Variants in RPS6KA6 observed in about 807,000 individuals in gnomAD.
RPS6KA6 encodes ribosomal protein S6 kinase alpha-6.
In RPS6KA6, 27 loss-of-function variants were observed where a neutral mutation model predicts 65.4. That is an observed-to-expected ratio of 0.41 (90% confidence interval 0.30 to 0.57). The LOEUF is 0.57. RPS6KA6 is among the 20% of genes least tolerant of loss of function. The pLI, the probability that RPS6KA6 is intolerant of heterozygous loss-of-function variation, is 0.24. For missense variants in RPS6KA6, 486 were observed against 555.6 expected (o/e 0.87, Z 1.26); for synonymous variants, 190 against 184.2 (o/e 1.03, Z -0.26).
At chrX:84,107,490 G>A (rs1391886721) in intron 13 of RPS6KA6, 133 bp downstream of exon 13, 5 of 400,279 alleles carry the variant, frequency 1.2e-5, no homozygotes, top group Non-Finnish European at 2.2e-5. Context: ...TTTTGTATAG[G>A]ATCCATATTT....
intron 12 of RPS6KA6, among the ~76,000 whole-genome samples, chrX:84,113,842 TC>T (rs1209250611): frequency 9.0e-6 from 1 of 111,286 alleles, no homozygotes; most frequent in East Asian, 2.8e-4. Context: ...TCAAAGTACC[TC>T]TATTGATTGA....
At chrX:84,128,331 T>A (rs1179735720) in intron 8 of RPS6KA6, among the ~76,000 whole-genome samples, 1 of 111,287 alleles carries the variant, frequency 9.0e-6, no homozygotes, top group Non-Finnish European at 1.9e-5. Context: ...AGGAATGTAC[T>A]AAAATGAGGC....
At chrX:84,080,687 C>A (rs2033775828) in intron 20 of RPS6KA6, among the ~76,000 whole-genome samples, 1 of 107,960 alleles carries the variant, frequency 9.3e-6, no homozygotes, top group Admixed American at 1.0e-4. Context: ...CTTCTCACCA[C>A]CACATCACAC....
intron 20 of RPS6KA6, among the ~76,000 whole-genome samples, chrX:84,066,513 G>C (rs2033408107): frequency 9.0e-6 from 1 of 110,893 alleles, no homozygotes; most frequent in African/African-American, 3.3e-5. Context: ...TTTGGACTGG[G>C]CAGAATTTAC....
At chrX:84,156,559 G>A (rs1376426104) in intron 2 of RPS6KA6, among the ~76,000 whole-genome samples, 1 of 111,041 alleles carries the variant, frequency 9.0e-6, no homozygotes, top group Non-Finnish European at 1.9e-5. Flanking sequence ...AAATTGTGGG[G>A]CATGACCAAA....
chrX:84,131,572 G>T (rs1254226566), intron 8 of RPS6KA6, among the ~76,000 whole-genome samples: 1 of 111,541 alleles, frequency 9.0e-6, no homozygotes, highest in Non-Finnish European at 1.9e-5. Flanking sequence ...GAGAAGGGGG[G>T]AGAGAAGAAT....
At chrX:84,125,165 A>G (rs928039042) in intron 8 of RPS6KA6, among the ~76,000 whole-genome samples, 2 of 112,139 alleles carry the variant, frequency 1.8e-5, no homozygotes, top group Admixed American at 9.5e-5. Context: ...GAGTTCTTCA[A>G]TCTGAAAGAA....
Position 84,134,777 on chromosome X carries a change from C to A in RPS6KA6, c.646+5G>T. 1 of 1,109,574 alleles carries A rather than the reference C, an allele frequency of 9.0e-7. No individual in the cohort carries two copies. Among genetic ancestry groups the A allele is most frequent in the Non-Finnish European group, 1.2e-6 (1 of 824,527 alleles). The allele number at this position is 1,109,574 out of a possible 1,213,427, so 91.4% of individuals were successfully genotyped here. On this transcript the variant is annotated splice_donor_5th_base_variant and intron_variant, in intron 8 of 21. Coordinates refer to ENST00000262752, the MANE Select transcript of RPS6KA6 (RefSeq NM_014496.5). Reference sequence around the variant, plus strand: ...GCTAAGGGTATAATAAGAAAATCTGCATACCTGTTAATTTGATATGTCCTA... The same window carrying A: ...GCTAAGGGTATAATAAGAAAATCTGAATACCTGTTAATTTGATATGTCCTA...
At chrX:84,109,767 G>T (rs188739649) in intron 12 of RPS6KA6, among the ~76,000 whole-genome samples, 102 of 110,637 alleles carry the variant, frequency 9.2e-4, no homozygotes, top group Admixed American at 2.5e-3. Context: ...ATAGCCAGCA[G>T]CAGGAGTCTA....
At chrX:84,117,709 A>C (rs1297509315) in intron 9 of RPS6KA6, among the ~76,000 whole-genome samples, 1 of 111,527 alleles carries the variant, frequency 9.0e-6, no homozygotes, top group African/African-American at 3.3e-5. Flanking sequence ...CCTCAGTTCT[A>C]ATTCGGCTAT....
chrX:84,100,700 A>AT lies in RPS6KA6; in HGVS notation c.1776+1336dup, dbSNP rs775701097. Reference sequence around the variant, plus strand: ...CCACTGAAATGTCCTAAAAAGGCTAATTTTTTTATGTGCAGGCTATTATCT... The same window carrying AT: ...CCACTGAAATGTCCTAAAAAGGCTAATTTTTTTTATGTGCAGGCTATTATCT... On this transcript the variant is annotated intron_variant, in intron 18 of 21. Coordinates refer to ENST00000262752, the MANE Select transcript of RPS6KA6 (RefSeq NM_014496.5). 2.0e-4 allele frequency among the ~76,000 whole-genome samples: 22 copies of AT among 110,548 alleles called. No individual in the cohort carries two copies. The East Asian group carries it at 2.8e-3, about 14-fold the overall frequency.
At chrX:84,073,298 T>C (rs1433200111) in intron 20 of RPS6KA6, among the ~76,000 whole-genome samples, 1 of 111,799 alleles carries the variant, frequency 8.9e-6, no homozygotes, top group Non-Finnish European at 1.9e-5. Context: ...CTTCAATAGA[T>C]AGTGCCAATA....
intron 8 of RPS6KA6, among the ~76,000 whole-genome samples, chrX:84,121,004 C>T (rs1389655519): frequency 8.9e-6 from 1 of 112,056 alleles, no homozygotes; most frequent in African/African-American, 3.2e-5. Flanking sequence ...GATAGACTGA[C>T]ATATACAGTT....
intron 20 of RPS6KA6, among the ~76,000 whole-genome samples, chrX:84,091,664 C>T (rs1310448149): frequency 9.0e-6 from 1 of 111,581 alleles, no homozygotes; most frequent in Non-Finnish European, 1.9e-5. Context: ...CCATAAATAC[C>T]ATTTGACCCA....
chrX:84,061,780 T>C lies in RPS6KA6; in HGVS notation c.*2497A>G, dbSNP rs1474448408. The stretch of plus-strand genomic sequence containing the variant: ...TGCAAAATCATTATTCAAGAACCCA[T>C]TAGAAACCACAGTATTCTAAAGTCT... On this transcript the variant is annotated 3_prime_UTR_variant, in exon 22 of 22. Coordinates refer to ENST00000262752, the MANE Select transcript of RPS6KA6 (RefSeq NM_014496.5). 9.0e-6 allele frequency: 1 copy of C among 111,709 alleles called. No homozygotes were observed. Among genetic ancestry groups the C allele is most frequent in the Admixed American group, 9.5e-5 (1 of 10,528 alleles). 9.2% of individuals were successfully genotyped at this position (111,709 alleles called of 1,213,427 possible). A position where few individuals can be genotyped will look rare whatever the true frequency, so the allele number is the denominator to read the frequency against.
chrX:84,170,536 A>C lies in RPS6KA6; in HGVS notation c.82-6149T>G, dbSNP rs143035495. Among the ~76,000 whole-genome samples the C allele has an allele frequency of 2.1e-4, 23 of 110,089 alleles. No homozygotes were observed. In the East Asian group the frequency reaches 6.4e-3, roughly 31 times the overall value. On this transcript the variant is annotated intron_variant, in intron 1 of 21. Coordinates refer to ENST00000262752, the MANE Select transcript of RPS6KA6 (RefSeq NM_014496.5). ...TCCCAGCTACTGGGGAGGCTGAGGC[A>C]GGAGAACTACTTGAACCCAGGAGGT...
rs759143744 is a variant in RPS6KA6 at position 84,168,674 on chromosome X, T to C, written c.82-4287A>G. On this transcript the variant is annotated intron_variant, in intron 1 of 21. Transcript: ENST00000262752. ...AGGATTATGCATAGGAAGAGGATTA[T>C]CCATAAAAAAAGAAAAATATTGCTT... Among the ~76,000 whole-genome samples the C allele has an allele frequency of 2.9e-3, 320 of 112,078 alleles. 2 individuals are homozygous for C. Among genetic ancestry groups the C allele is most frequent in the Non-Finnish European group, 4.3e-3 (226 of 53,147 alleles).
chrX:84,160,262 C>T (rs1332296889), intron 2 of RPS6KA6, among the ~76,000 whole-genome samples: 1 of 111,213 alleles, frequency 9.0e-6, no homozygotes, highest in Non-Finnish European at 1.9e-5. Context: ...GAAGGCTCAA[C>T]CACAACCAAA....
At chrX:84,148,525 T>C (rs2035241384) in intron 3 of RPS6KA6, among the ~76,000 whole-genome samples, 1 of 111,184 alleles carries the variant, frequency 9.0e-6, no homozygotes, top group Admixed American at 9.7e-5. Flanking sequence ...ATATAAATAC[T>C]ACTATAGAAA....
Sources: gnomAD v4.1 joint callset for allele counts (sites outside exome capture counted in the v4.1 genomes callset) on GRCh38, gnomAD v4.1.1 for gene constraint, MANE v1.5 for transcripts, NCBI Gene and HGNC (gene_info 2026-07-23, HGNC 2026-07-21) for gene names.